GGTA1: variants seen among roughly 807,000 people sequenced by gnomAD.
GGTA1 encodes the protein inactive N-acetyllactosaminide alpha-1,3-galactosyltransferase.
GGTA1 carries 5 observed loss-of-function variants against 2.6 expected under a neutral mutation model. The ratio of observed to expected loss-of-function variants is 1.92; its 90% CI spans 1.00 to 4.04. The LOEUF (loss-of-function observed/expected upper bound fraction) is 4.04, where lower values mean the gene tolerates loss of function less well. Ranked by LOEUF, GGTA1 falls within the 30% of genes most tolerant of loss-of-function variation. The pLI is 0.00. For missense variants in GGTA1, 50 were observed against 16.7 expected (o/e 2.99, Z -3.47); for synonymous variants, 17 against 5.0 (o/e 3.38, Z -3.19).
At chr9:121,457,146 G>C (rs2064918354) in intron 5 of GGTA1, among the ~76,000 whole-genome samples, 1 of 152,198 alleles carries the variant, frequency 6.6e-6, no homozygotes, top group African/African-American at 2.4e-5. Flanking sequence ...TAATGCATTA[G>C]ACCATGAGGT....
intron 1 of GGTA1, among the ~76,000 whole-genome samples, chr9:121,485,662 G>A (rs936025645): frequency 5.9e-5 from 9 of 152,140 alleles, no homozygotes; most frequent in South Asian, 2.1e-4. Context: ...GCCCACTCCC[G>A]CTCAGTGCTA....
chr9:121,457,716 A>C lies in GGTA1; in HGVS notation c.299-1875T>G, dbSNP rs958805551. Among the ~76,000 whole-genome samples, 102 of 149,168 alleles carry C rather than the reference A, an allele frequency of 6.8e-4. 1 individual carries two copies. The highest frequency in any genetic ancestry group is 2.4e-3 in the African/African-American group (97 of 40,612). On this transcript the variant is annotated intron_variant, in intron 5 of 5. Coordinates refer to ENST00000481799, the MANE Select transcript of GGTA1 (RefSeq NM_001382585.1). ...AATCCATCTTAAAAAAAAAAAAAAA[A>C]CAGTATATAAAGAACAGAGAAGAGG...
At chr9:121,495,921 G>A (rs1464496815) in intron 1 of GGTA1, among the ~76,000 whole-genome samples, 1 of 152,196 alleles carries the variant, frequency 6.6e-6, no homozygotes, top group East Asian at 1.9e-4. Context: ...TTAAACATGT[G>A]AATTAGATGC....
rs1201848285 is a variant in GGTA1 at position 121,499,787 on chromosome 9, G to C, written c.-147C>G. On this transcript the variant is annotated 5_prime_UTR_variant, in exon 1 of 6. Coordinates refer to ENST00000481799, the MANE Select transcript of GGTA1 (RefSeq NM_001382585.1). ...GCCGCCTCCGCCCGAGCGGAGGCGCGTCCTCCCGCCCGTGGGCCGGCCGGC... is the reference window on the plus strand; with the variant it reads ...GCCGCCTCCGCCCGAGCGGAGGCGCCTCCTCCCGCCCGTGGGCCGGCCGGC... 1.3e-5 allele frequency: 2 copies of C among 152,002 alleles called. No homozygotes were observed. The highest frequency in any genetic ancestry group is 4.8e-5 in the African/African-American group (2 of 41,406). The allele number at this position is 152,002 out of a possible 1,614,324, so 9.4% of individuals were successfully genotyped here. A position where few individuals can be genotyped will look rare whatever the true frequency, so the allele number is the denominator to read the frequency against.
chr9:121,449,192 C>A (rs1381362107), intron 7 of GGTA1, among the ~76,000 whole-genome samples: 1 of 152,178 alleles, frequency 6.6e-6, no homozygotes, highest in Non-Finnish European at 1.5e-5. Context: ...TTTCTATTCA[C>A]CTACCAAAGG....
downstream of GGTA1, among the ~76,000 whole-genome samples, chr9:121,450,449 C>T (rs1334771582): frequency 6.6e-6 from 1 of 152,160 alleles, no homozygotes; most frequent in African/African-American, 2.4e-5. Flanking sequence ...AAACATTACA[C>T]CTCCTAAAAG....
intron 1 of GGTA1, among the ~76,000 whole-genome samples, chr9:121,482,506 T>C (rs1032127523): frequency 7.2e-5 from 11 of 151,896 alleles, no homozygotes; most frequent in Non-Finnish European, 1.6e-4. Flanking sequence ...CAGTGGCTCA[T>C]GTCTGTAATC....
At chr9:121,450,004 C>T (rs1589324943) in intron 7 of GGTA1, among the ~76,000 whole-genome samples, 2 of 152,184 alleles carry the variant, frequency 1.3e-5, no homozygotes, top group East Asian at 3.8e-4. Context: ...AAACCCTAAA[C>T]ACACGTGGAC....
chr9:121,496,352 A>T (rs1203083104), intron 1 of GGTA1, among the ~76,000 whole-genome samples: 1 of 152,124 alleles, frequency 6.6e-6, no homozygotes, highest in Non-Finnish European at 1.5e-5. Flanking sequence ...AATGGTCTCC[A>T]TATCACCATC....
At chr9:121,484,348 C>T (rs1828713290) in intron 1 of GGTA1, among the ~76,000 whole-genome samples, 1 of 151,820 alleles carries the variant, frequency 6.6e-6, no homozygotes, top group African/African-American at 2.4e-5. Context: ...CTGTTTTTCC[C>T]TTCTACCTCT....
intron 7 of GGTA1, among the ~76,000 whole-genome samples, chr9:121,448,047 C>T (rs1190999315): frequency 2.0e-5 from 3 of 152,178 alleles, no homozygotes; most frequent in African/African-American, 7.2e-5. Flanking sequence ...TGCCTGGATG[C>T]TTAAGTCTTT....
At chr9:121,466,909 T>C (rs923600564) in intron 2 of GGTA1, among the ~76,000 whole-genome samples, 4 of 147,948 alleles carry the variant, frequency 2.7e-5, no homozygotes, top group African/African-American at 1.0e-4. Context: ...GTCGAGATCA[T>C]GCCACTGTGT....
At chr9:121,457,346 G>A (rs886798972) in intron 5 of GGTA1, among the ~76,000 whole-genome samples, 11 of 152,174 alleles carry the variant, frequency 7.2e-5, no homozygotes, top group African/African-American at 2.7e-4. Context: ...TTAAATGTAG[G>A]ATGGTATCTA....
intron 1 of GGTA1, among the ~76,000 whole-genome samples, chr9:121,486,591 C>T (rs1171684781): frequency 2.6e-5 from 4 of 152,174 alleles, no homozygotes; most frequent in South Asian, 4.2e-4. Context: ...TTGTTTTGTG[C>T]GGGTGGCACG....
At chr9:121,484,101 A>G (rs1290555065) in intron 1 of GGTA1, among the ~76,000 whole-genome samples, 1 of 152,138 alleles carries the variant, frequency 6.6e-6, no homozygotes, top group Non-Finnish European at 1.5e-5. Flanking sequence ...TGCAATGTTC[A>G]CTATTTGGGT....
chr9:121,497,846 T>C (rs560295141), intron 1 of GGTA1, among the ~76,000 whole-genome samples: 2 of 152,352 alleles, frequency 1.3e-5, no homozygotes, highest in South Asian at 4.1e-4. Flanking sequence ...AAGGCAGCCC[T>C]GTGGCCCTGG....
downstream of GGTA1, among the ~76,000 whole-genome samples, chr9:121,450,338 G>C (rs370179315): frequency 3.3e-5 from 5 of 151,934 alleles, no homozygotes; most frequent in African/African-American, 9.7e-5. Flanking sequence ...GGGGTGGCGG[G>C]GGGGTGGTTT....
At chr9:121,468,193 C>T (rs10125717) in intron 1 of GGTA1, among the ~76,000 whole-genome samples, 46,426 of 151,988 alleles carry the variant, frequency 0.31, 7,356 homozygotes, top group Middle Eastern at 0.39. Flanking sequence ...TGACAGGCCC[C>T]GGTGTGCGAT....
At chr9:121,474,031 GGAAA>G (rs905852640) in intron 1 of GGTA1, among the ~76,000 whole-genome samples, 24 of 151,388 alleles carry the variant, frequency 1.6e-4, no homozygotes, top group Non-Finnish European at 2.9e-4. Context: ...AGAAAAGAAA[GGAAA>G]GAAAGAAAGA....
Sources: allele counts gnomAD v4.1 joint callset (sites outside exome capture counted in the v4.1 genomes callset), GRCh38; gene constraint gnomAD v4.1.1; transcripts MANE v1.5; gene names NCBI Gene and HGNC (gene_info 2026-07-23, HGNC 2026-07-21).